Variants in DNAJC1 observed in about 807,000 individuals in gnomAD.
DNAJC1 encodes dnaJ homolog subfamily C member 1.
In DNAJC1, 58 loss-of-function variants were observed where a neutral mutation model predicts 76.6. The observed-to-expected ratio is 0.76, with a 90% CI of 0.61 to 0.94. The LOEUF (loss-of-function observed/expected upper bound fraction) is 0.94, where lower values mean the gene tolerates loss of function less well. Ranked by LOEUF, DNAJC1 falls within the 40% of genes least tolerant of loss-of-function variation. DNAJC1 has a pLI of 0.00. For missense variants in DNAJC1, 689 were observed against 677.3 expected (o/e 1.02, Z -0.19); for synonymous variants, 258 against 267.9 (o/e 0.96, Z 0.36).
At chr10:21,834,980 T>G (rs1401677538) in intron 8 of DNAJC1, among the ~76,000 whole-genome samples, 1 of 152,178 alleles carries the variant, frequency 6.6e-6, no homozygotes, top group Non-Finnish European at 1.5e-5. Flanking sequence ...AAGAGAGTAG[T>G]GGTTCTCCCA....
At chr10:21,771,864 T>G (rs2131621868) in intron 9 of DNAJC1, among the ~76,000 whole-genome samples, 1 of 152,346 alleles carries the variant, frequency 6.6e-6, no homozygotes, top group South Asian at 2.1e-4. Context: ...GTATTTACAT[T>G]AATTGATCTT....
chr10:21,779,322 TAGCCTGTCTGGGAGG>T (rs1834496982), intron 9 of DNAJC1, among the ~76,000 whole-genome samples: 2 of 152,010 alleles, frequency 1.3e-5, no homozygotes, highest in Non-Finnish European at 2.9e-5. Flanking sequence ...GACCCCCGAG[TAGCCTGTCTGGGAGG>T]CACCTCCCAG....
rs182466972 is a variant in DNAJC1 at position 21,838,749 on chromosome 10, C to T, written c.979-32650G>A. Among the ~76,000 whole-genome samples, 706 of 152,268 alleles carry T rather than the reference C, an allele frequency of 4.6e-3. 3 individuals are homozygous for T. Among genetic ancestry groups the T allele is most frequent in the African/African-American group, 0.016 (672 of 41,550 alleles). On this transcript the variant is annotated intron_variant, in intron 8 of 11. Transcript: ENST00000376980. ...TGAACTCAGCTCTTCAACAAGCAGA[C>T]CTAACAGACATCTACAGAACTCTCC...
At chr10:21,782,042 T>A (rs1270185090) in intron 9 of DNAJC1, among the ~76,000 whole-genome samples, 2 of 151,630 alleles carry the variant, frequency 1.3e-5, no homozygotes. Flanking sequence ...ATAACTAAGA[T>A]CAGAGCAGAA....
intron 9 of DNAJC1, among the ~76,000 whole-genome samples, chr10:21,771,617 C>T (rs1302244638): frequency 6.6e-6 from 1 of 152,178 alleles, no homozygotes; most frequent in Non-Finnish European, 1.5e-5. Flanking sequence ...CCTGCCTCAG[C>T]CTCCCGAGTA....
At chr10:21,821,616 A>G (rs1387350466) in intron 8 of DNAJC1, among the ~76,000 whole-genome samples, 2 of 152,192 alleles carry the variant, frequency 1.3e-5, no homozygotes, top group African/African-American at 4.8e-5. Flanking sequence ...GACATGTATT[A>G]CTCACATACA....
chr10:21,926,779 C>T (rs890392835), intron 3 of DNAJC1, among the ~76,000 whole-genome samples: 1 of 152,120 alleles, frequency 6.6e-6, no homozygotes, highest in Non-Finnish European at 1.5e-5. Flanking sequence ...GTTTGTGTAA[C>T]TGTCACATTC....
At chr10:21,840,242 C>T (rs1053342315) in intron 8 of DNAJC1, among the ~76,000 whole-genome samples, 1 of 152,110 alleles carries the variant, frequency 6.6e-6, no homozygotes, top group African/African-American at 2.4e-5. Flanking sequence ...GTGCTGGAAG[C>T]TCTGGCCAGG....
chr10:21,919,894 T>C lies in DNAJC1; in HGVS notation c.573A>G (p.Lys191=), dbSNP rs1837012986. ...ELLSRKKREK[K]KKTGSKSVDV... ...CCACACTCTTGCTGCCAGTCTTTTT[T>C]TTCTTTTCTCTCTTTTTTCTACTTA... The change falls in exon 5 of 12, where the codon AAA becomes AAG. Residue 191 remains lysine, a synonymous_variant. Coordinates refer to ENST00000376980, the MANE Select transcript of DNAJC1 (RefSeq NM_022365.4). The C allele has an allele frequency of 3.1e-6, 5 of 1,608,090 alleles. No individual in the cohort carries two copies. Among genetic ancestry groups the C allele is most frequent in the South Asian group, 1.1e-5 (1 of 90,156 alleles).
chr10:21,852,917 TCCA>T (rs957849354), intron 8 of DNAJC1, among the ~76,000 whole-genome samples: 1 of 152,200 alleles, frequency 6.6e-6, no homozygotes, highest in African/African-American at 2.4e-5. Context: ...GAGTTCTGAC[TCCA>T]CCATTTACTA....
At chr10:21,826,234 G>C (rs1253920832) in intron 8 of DNAJC1, among the ~76,000 whole-genome samples, 1 of 10,908 alleles carries the variant, frequency 9.2e-5, no homozygotes, top group Non-Finnish European at 1.5e-4. Context: ...ATGAGACTTT[G>C]TCCAAAAAAA....
At chr10:21,990,446 C>A (rs979461571) in intron 1 of DNAJC1, among the ~76,000 whole-genome samples, 1 of 151,906 alleles carries the variant, frequency 6.6e-6, no homozygotes, top group Non-Finnish European at 1.5e-5. Flanking sequence ...TATTTTAAGG[C>A]ACAAAGAAAA....
chr10:21,784,859 T>C (rs768230683), intron 9 of DNAJC1, among the ~76,000 whole-genome samples: 1 of 151,508 alleles, frequency 6.6e-6, no homozygotes, highest in East Asian at 1.9e-4. Context: ...ATGAGAACAC[T>C]TGGACACAGG....
intron 1 of DNAJC1, among the ~76,000 whole-genome samples, chr10:21,932,446 G>A (rs536679290): frequency 3.9e-5 from 6 of 152,280 alleles, no homozygotes; most frequent in Admixed American, 2.6e-4. Flanking sequence ...CTCCAAGTTC[G>A]TCCCTCCAGA....
chr10:21,879,485 G>A (rs1382941775), intron 8 of DNAJC1, among the ~76,000 whole-genome samples: 3 of 152,112 alleles, frequency 2.0e-5, no homozygotes, highest in South Asian at 2.1e-4. Context: ...TCAGCAGGGC[G>A]TGATTGCGCT....
intron 8 of DNAJC1, among the ~76,000 whole-genome samples, chr10:21,847,421 T>A (rs1394302760): frequency 6.6e-6 from 1 of 152,176 alleles, no homozygotes; most frequent in African/African-American, 2.4e-5. Context: ...CTTGAAAAAT[T>A]TATCATTTCT....
At chr10:21,958,452 G>A (rs868818642) in intron 1 of DNAJC1, among the ~76,000 whole-genome samples, 9 of 147,166 alleles carry the variant, frequency 6.1e-5, no homozygotes, top group Admixed American at 4.1e-4. Flanking sequence ...TTTTTGAGAC[G>A]GAGTCTCGTT....
intron 9 of DNAJC1, among the ~76,000 whole-genome samples, chr10:21,800,225 C>G (rs1307968415): frequency 6.6e-6 from 1 of 152,090 alleles, no homozygotes; most frequent in East Asian, 1.9e-4. Context: ...TAACAAAGAT[C>G]AATACTATAA....
intron 1 of DNAJC1, among the ~76,000 whole-genome samples, chr10:21,998,218 C>T (rs1469782973): frequency 6.6e-6 from 1 of 151,706 alleles, no homozygotes; most frequent in Non-Finnish European, 1.5e-5. Flanking sequence ...TGGCGAAACC[C>T]CATCTCTACT....
Sources: gnomAD v4.1 joint callset for allele counts (sites outside exome capture counted in the v4.1 genomes callset) on GRCh38, gnomAD v4.1.1 for gene constraint, MANE v1.5 for transcripts, NCBI Gene and HGNC (gene_info 2026-07-23, HGNC 2026-07-21) for gene names.